Variants in INPPL1 observed in about 807,000 individuals in gnomAD.
The protein encoded by INPPL1 is inositol polyphosphate phosphatase like 1.
INPPL1 carries 91 observed loss-of-function variants against 139.3 expected under a neutral mutation model. That is an observed-to-expected ratio of 0.65 (90% CI 0.55 to 0.78). INPPL1 has a LOEUF of 0.78. Among genes scored for constraint, INPPL1 ranks in the 30% least tolerant of loss-of-function variants. INPPL1 has a pLI of 0.00. For missense variants in INPPL1, 1,411 were observed against 1,665.6 expected (o/e 0.85, Z 2.66); for synonymous variants, 719 against 686.6 (o/e 1.05, Z -0.74).
rs776478196 is a variant in INPPL1 at position 72,233,639 on chromosome 11, T to A, written c.2123-16T>A. 16 of 1,612,886 alleles carry A rather than the reference T, an allele frequency of 9.9e-6. No individual in the cohort carries two copies. The highest frequency in any genetic ancestry group is 1.4e-5 in the Non-Finnish European group (16 of 1,179,042). On this transcript the variant is annotated splice_polypyrimidine_tract_variant and intron_variant, in intron 18 of 27. Coordinates refer to ENST00000298229, the MANE Select transcript of INPPL1 (RefSeq NM_001567.4). ...AATATTCCCCCTGAGTCCCCATTCC[T>A]ATCCCCTCTCCCCAGGTTGCACTGA... is the stretch of plus-strand genomic sequence containing the variant.
chr11:72,225,605 C>A (rs968765302), intron 1 of INPPL1: 2 of 862,430 alleles, frequency 2.3e-6, no homozygotes, highest in African/African-American at 3.7e-5. Flanking sequence ...TGGCAGCTTC[C>A]TTAGGGCCCC....
chr11:72,224,404 G>A (rs914393445), upstream of INPPL1, among the ~76,000 whole-genome samples: 4 of 151,862 alleles, frequency 2.6e-5, no homozygotes. Context: ...TAAGGGGGAC[G>A]AGAGGAAGAG....
Position 72,228,788 on chromosome 11 carries a change from C to A in INPPL1, c.459C>A (p.Pro153=), listed in dbSNP as rs113871062. ...CTGGCTCCACCAGCATTTCTGCCCC[C>A]ACTGGGCCCAGCAGTCCCCTGCCAG... ...PRSGSTSISA[P]TGPSSPLPAP... The change falls in exon 4 of 28, where the codon CCC becomes CCA. Residue 153 remains proline, a synonymous_variant. Transcript: ENST00000298229. The surrounding 1 kb of genome is among the most constrained non-coding windows in gnomAD (Gnocchi z 5.0). The A allele has an allele frequency of 3.1e-6, 5 of 1,612,736 alleles. No individual in the cohort carries two copies. In the Admixed American group the frequency reaches 6.7e-5, roughly 22 times the overall value.
In INPPL1 at chr11:72,229,918, C is replaced by G; in HGVS notation, c.844-6C>G. The G allele has an allele frequency of 6.2e-7, 1 of 1,613,932 alleles. No homozygotes were observed. Among genetic ancestry groups the G allele is most frequent in the Non-Finnish European group, 8.5e-7 (1 of 1,179,908 alleles). On this transcript the variant is annotated splice_polypyrimidine_tract_variant and splice_region_variant and intron_variant, in intron 7 of 27. Transcript: ENST00000298229. ...CCTGACCCCGCCCTGCCCTTGTTCC[C>G]TCCAGGCCCTGAAGGCCCTACAGGA...
Position 72,238,255 on chromosome 11 carries a change from C to T in INPPL1, c.3687-8C>T. ...CCATCTCACTTCCCAGCCTGTTTTA[C>T]TCCACAGTGACATCACCGAGGAGGA... On this transcript the variant is annotated splice_region_variant and splice_polypyrimidine_tract_variant and intron_variant, in intron 27 of 27. Coordinates refer to ENST00000298229, the MANE Select transcript of INPPL1 (RefSeq NM_001567.4). The T allele has an allele frequency of 6.2e-7, 1 of 1,613,668 alleles. No homozygotes were observed. Among genetic ancestry groups the T allele is most frequent in the South Asian group, 1.1e-5 (1 of 91,050 alleles).
chr11:72,234,732 AGTGTGTGTGTGT>A lies in INPPL1; in HGVS notation c.2415+138_2415+149del, dbSNP rs112903949. 46 of 528,510 alleles carry A rather than the reference AGTGTGTGTGTGT, an allele frequency of 8.7e-5. No individual in the cohort carries two copies. Among genetic ancestry groups the A allele is most frequent in the African/African-American group, 4.9e-4 (24 of 48,618 alleles). 32.7% of individuals were successfully genotyped at this position (528,510 alleles called of 1,614,324 possible). A position where few individuals can be genotyped will look rare whatever the true frequency, so the allele number is the denominator to read the frequency against. On this transcript the variant is annotated intron_variant, in intron 21 of 27. Transcript: ENST00000298229. The surrounding 1 kb of genome is among the most constrained non-coding windows in gnomAD (Gnocchi z 4.2). Reference sequence around the variant, plus strand: ...GGGGCCAGCAGAGAGAGAGAGAGAGAGTGTGTGTGTGTGTGTGTGTGTGTGTGTGTGTATGGG... The same window carrying A: ...GGGGCCAGCAGAGAGAGAGAGAGAGAGTGTGTGTGTGTGTGTGTGTATGGG...
intron 25 of INPPL1, 63 bp downstream of exon 25, chr11:72,236,049 C>T (rs548653315): frequency 3.6e-5 from 33 of 911,064 alleles, no homozygotes; most frequent in Admixed American, 8.2e-5. Flanking sequence ...TCACTATCCC[C>T]TGCAGGGTCT....
At chr11:72,227,883 T>G in intron 1 of INPPL1, 1 of 443,406 alleles carries the variant, frequency 2.3e-6, no homozygotes, top group South Asian at 2.3e-5. Context: ...AGGGGCTGTT[T>G]AGACAGCTGT....
rs1948769252 is a variant in INPPL1, at chr11:72,229,492, G to A, written c.687G>A (p.Leu229=). Reference sequence around the variant, plus strand: ...AGGTGGACAAGGTCCTGTCAGGCCTGGAGATCCTGTCCAAGGTGTTTGACC... The same window carrying A: ...AGGTGGACAAGGTCCTGTCAGGCCTAGAGATCCTGTCCAAGGTGTTTGACC... ...HSEVDKVLSG[L]EILSKVFDQQ... Residue 229 remains leucine, a synonymous_variant, in exon 6 of 28, where the codon CTG becomes CTA. Transcript: ENST00000298229. 4 of 1,614,148 alleles carry A rather than the reference G, an allele frequency of 2.5e-6. No homozygotes were observed. Among genetic ancestry groups the A allele is most frequent in the Middle Eastern group, 3.3e-4 (2 of 6,062 alleles).
rs773393276 is a variant in INPPL1, at chr11:72,228,456, G to A, written c.355G>A (p.Gly119Ser). 5.6e-6 allele frequency: 9 copies of A among 1,611,174 alleles called. No individual in the cohort carries two copies. Among genetic ancestry groups the A allele is most frequent in the East Asian group, 4.5e-5 (2 of 44,856 alleles). Residue 119 changes from glycine (G) to serine (S), a missense_variant, in exon 3 of 28, where the codon GGT (glycine) becomes AGT (serine). Gly to Ser is a moderately conservative substitution (Grantham distance 56). Coordinates refer to ENST00000298229, the MANE Select transcript of INPPL1 (RefSeq NM_001567.4). The surrounding 1 kb of genome is among the most constrained non-coding windows in gnomAD (Gnocchi z 5.0). ...LVCALLLPVE[G>S]EREPDPPDDR... ...GTGCGCCCTGCTTCTTCCTGTAGAGGGTGAGCGAGAGCCGGACCCACCGGA... is the reference window on the plus strand; with the variant it reads ...GTGCGCCCTGCTTCTTCCTGTAGAGAGTGAGCGAGAGCCGGACCCACCGGA...
Position 72,228,001 on chromosome 11 carries a change from C to T in INPPL1, c.183-189C>T. On this transcript the variant is annotated intron_variant, in intron 1 of 27. Coordinates refer to ENST00000298229, the MANE Select transcript of INPPL1 (RefSeq NM_001567.4). This position sits in a 1 kb window ranked among gnomAD's most constrained non-coding sequence, Gnocchi z 5.0. ...CGGGGGTGTTCTGGTCATTCCTGCC[C>T]AATAGGCAACACCAGGAGGGTGGAA... The T allele has an allele frequency of 1.6e-6, 1 of 629,640 alleles. No individual in the cohort carries two copies. The highest frequency in any genetic ancestry group is 1.8e-5 in the South Asian group (1 of 55,774). The allele number at this position is 629,640 out of a possible 1,614,324, so 39.0% of individuals were successfully genotyped here. A position where few individuals can be genotyped will look rare whatever the true frequency, so the allele number is the denominator to read the frequency against.
In INPPL1 at chr11:72,237,749, C is replaced by T. The variant is rs1447230360; in HGVS notation, c.3505C>T (p.Pro1169Ser). Residue 1169 changes from proline to serine, a missense_variant, in exon 26 of 28, where the codon CCT (proline) becomes TCT (serine). Pro to Ser is a moderately conservative substitution (Grantham distance 74, BLOSUM62 -1). This residue lies in a region of INPPL1 where 438 missense variants were observed against 425.7 expected (regional missense o/e 1.03). Coordinates refer to ENST00000298229, the MANE Select transcript of INPPL1 (RefSeq NM_001567.4). ...PSDYGRPLSF[P>S]PPRIRESIQE... ...GGACTATGGCCGGCCCCTCAGCTTC[C>T]CTCCACCCCGCATCCGGGAGAGCAT... The T allele has an allele frequency of 1.9e-6, 3 of 1,611,206 alleles. No homozygotes were observed. The highest frequency in any genetic ancestry group is 2.2e-5 in the East Asian group (1 of 44,810).
intron 26 of INPPL1, 81 bp downstream of exon 26, chr11:72,237,877 C>A: frequency 6.7e-7 from 1 of 1,484,722 alleles, no homozygotes; most frequent in African/African-American, 1.4e-5. Context: ...CACCATTCAG[C>A]ACTCATGGTG....
In INPPL1 at chr11:72,236,001, C is replaced by T; in HGVS notation, c.2879+15C>T. On this transcript the variant is annotated intron_variant, in intron 25 of 27. Transcript: ENST00000298229. ...TTGACCCCCAGGTGAGAGGAGGAACCTGTCACCGCCCCCCCTTCCCCCACC... is the reference window on the plus strand; with the variant it reads ...TTGACCCCCAGGTGAGAGGAGGAACTTGTCACCGCCCCCCCTTCCCCCACC... The T allele has an allele frequency of 6.8e-7, 1 of 1,479,352 alleles. No homozygotes were observed. The highest frequency in any genetic ancestry group is 9.2e-7 in the Non-Finnish European group (1 of 1,083,704). 91.6% of individuals were successfully genotyped at this position (1,479,352 alleles called of 1,614,324 possible).
rs1948926623 is a variant in INPPL1 at position 72,234,516 on chromosome 11, C to T, written c.2327-11C>T. On this transcript the variant is annotated splice_polypyrimidine_tract_variant and intron_variant, in intron 20 of 27. Coordinates refer to ENST00000298229, the MANE Select transcript of INPPL1 (RefSeq NM_001567.4). The surrounding 1 kb of genome is among the most constrained non-coding windows in gnomAD (Gnocchi z 4.2). ...TGGTGCTCAGTTGGGTGTCTCCCACCCCCACCCCAGAATACAAGAAGAGCT... is the reference window on the plus strand; with the variant it reads ...TGGTGCTCAGTTGGGTGTCTCCCACTCCCACCCCAGAATACAAGAAGAGCT... 1.3e-6 allele frequency: 2 copies of T among 1,597,704 alleles called. No individual in the cohort carries two copies. Among genetic ancestry groups the T allele is most frequent in the Non-Finnish European group, 1.7e-6 (2 of 1,165,252 alleles).
chr11:72,233,208 C>A, intron 17 of INPPL1, 45 bp downstream of exon 17: 1 of 1,546,454 alleles, frequency 6.5e-7, no homozygotes, highest in Non-Finnish European at 8.9e-7. Context: ...CGCAGGCCTG[C>A]GATGAATCAA....
chr11:72,237,990 G>C, intron 26 of INPPL1, 52 bp from the exon 27 acceptor site: 1 of 1,506,456 alleles, frequency 6.6e-7, no homozygotes, highest in Non-Finnish European at 8.8e-7. Flanking sequence ...TGTGACTGCA[G>C]GTGTTTCTAT....
At chr11:72,237,862 C>A in intron 26 of INPPL1, 66 bp downstream of exon 26, 1 of 1,514,310 alleles carries the variant, frequency 6.6e-7, no homozygotes. Context: ...GGTACCCTTT[C>A]ACTCCACCAT....
At chr11:72,238,228 G>T (rs1437962519) in intron 27 of INPPL1, 35 bp from the exon 28 acceptor site, 1 of 1,613,462 alleles carries the variant, frequency 6.2e-7, no homozygotes, top group Admixed American at 1.7e-5. Context: ...GGATCCCCTT[G>T]CCCATCTCAC....
Sources: gnomAD v4.1 joint callset for allele counts (sites outside exome capture counted in the v4.1 genomes callset) on GRCh38, gnomAD v4.1.1 for gene constraint, gnomAD v4.1.1 regional missense constraint, Gnocchi (gnomAD v3.1) non-coding constraint, MANE v1.5 for transcripts, NCBI Gene and HGNC (gene_info 2026-07-23, HGNC 2026-07-21) for gene names.